SNX29: variants seen among roughly 807,000 people sequenced by gnomAD.
SNX29 encodes the protein sorting nexin 29, also known as sorting nexin-29.
In SNX29, 78 loss-of-function variants were observed where a neutral mutation model predicts 102.1. That is an observed-to-expected ratio of 0.76 (90% CI 0.64 to 0.92). The LOEUF (loss-of-function observed/expected upper bound fraction) is 0.92, where lower values mean the gene tolerates loss of function less well. SNX29 is among the 40% of genes least tolerant of loss of function. The pLI, the probability that SNX29 is intolerant of heterozygous loss-of-function variation, is 0.00. For synonymous variants in SNX29, 580 were observed against 414.5 expected, an observed-to-expected ratio of 1.40 and a Z score of -4.85; for missense variants, 1,280 against 1,061.7, an observed-to-expected ratio of 1.21 and a Z score of -2.86.
intron 20 of SNX29, among the ~76,000 whole-genome samples, chr16:12,552,014 A>G (rs1272881056): frequency 6.6e-6 from 1 of 152,170 alleles, no homozygotes; most frequent in African/African-American, 2.4e-5. Context: ...CCTGTCTCTA[A>G]AAAACGTGGC....
chr16:12,175,510 G>A (rs1306360316), intron 13 of SNX29, among the ~76,000 whole-genome samples: 2 of 152,036 alleles, frequency 1.3e-5, no homozygotes, highest in African/African-American at 4.8e-5. Flanking sequence ...AATTAGCCAG[G>A]GATGGTGGTA....
intron 15 of SNX29, among the ~76,000 whole-genome samples, chr16:12,350,075 A>G (rs1437485026): frequency 6.6e-6 from 1 of 152,142 alleles, no homozygotes; most frequent in Non-Finnish European, 1.5e-5. Context: ...CACCCACACC[A>G]GTTTGTGGGC....
intron 14 of SNX29, among the ~76,000 whole-genome samples, chr16:12,265,149 CT>C (rs1221068279): frequency 6.6e-6 from 1 of 152,192 alleles, no homozygotes; most frequent in Non-Finnish European, 1.5e-5. Flanking sequence ...GCCCAGAGTT[CT>C]TTCGAGCAAA....
intron 18 of SNX29, among the ~76,000 whole-genome samples, chr16:12,440,629 G>A (rs529010577): frequency 9.9e-5 from 15 of 152,146 alleles, no homozygotes; most frequent in African/African-American, 3.4e-4. Context: ...AGTGTGTGGT[G>A]TTTCCCTCTG....
At chr16:12,243,061 C>T (rs1192990001) in intron 14 of SNX29, among the ~76,000 whole-genome samples, 1 of 152,216 alleles carries the variant, frequency 6.6e-6, no homozygotes, top group Non-Finnish European at 1.5e-5. Context: ...GTCCGTCTTT[C>T]ACGTGTCCTG....
chr16:12,256,149 C>A (rs1351698955), intron 14 of SNX29, among the ~76,000 whole-genome samples: 1 of 152,200 alleles, frequency 6.6e-6, no homozygotes, highest in Non-Finnish European at 1.5e-5. Flanking sequence ...TGGTCATACA[C>A]CTGTTGGCCG....
chr16:12,505,900 G>A (rs977488573), intron 19 of SNX29, among the ~76,000 whole-genome samples: 17 of 151,728 alleles, frequency 1.1e-4, no homozygotes, highest in African/African-American at 4.1e-4. Context: ...TTCTATTTAG[G>A]CCTTCTTTAT....
chr16:12,192,516 A>T (rs897788301), intron 13 of SNX29, among the ~76,000 whole-genome samples: 1 of 151,180 alleles, frequency 6.6e-6, no homozygotes, highest in Non-Finnish European at 1.5e-5. Context: ...TTTTTAATTT[A>T]TTTTTTTGTT....
At chr16:12,393,748 A>G (rs566532914) in intron 16 of SNX29, among the ~76,000 whole-genome samples, 65 of 152,396 alleles carry the variant, frequency 4.3e-4, no homozygotes, top group African/African-American at 1.5e-3. Context: ...AGCTTACAAT[A>G]ATACTTGCTT....
At chr16:12,120,101 A>T (rs1221376713) in intron 11 of SNX29, among the ~76,000 whole-genome samples, 1 of 152,180 alleles carries the variant, frequency 6.6e-6, no homozygotes, top group African/African-American at 2.4e-5. Flanking sequence ...GGGCCTGAGT[A>T]ATTTAAAAGT....
chr16:12,197,701 G>A (rs972053666), intron 13 of SNX29, among the ~76,000 whole-genome samples: 2 of 152,218 alleles, frequency 1.3e-5, no homozygotes, highest in African/African-American at 2.4e-5. Flanking sequence ...TGGAGAAAGT[G>A]CAGACACCTG....
chr16:12,360,511 G>A (rs780727011), intron 16 of SNX29, among the ~76,000 whole-genome samples: 30 of 152,124 alleles, frequency 2.0e-4, no homozygotes, highest in Non-Finnish European at 3.7e-4. Flanking sequence ...TTGCCCCAAC[G>A]ATGTCACAGG....
chr16:12,193,130 C>G (rs1389513486), intron 13 of SNX29, among the ~76,000 whole-genome samples: 1 of 152,196 alleles, frequency 6.6e-6, no homozygotes, highest in African/African-American at 2.4e-5. Context: ...CCACTGCGCC[C>G]AAAACATTTA....
rs112573066 is a variant in SNX29, at chr16:12,350,710, C to T, written c.1783-5453C>T. ...GGAATGGCCCAACTGCCGTTCAAAG[C>T]TGAGTCTGTGAAATGCTCCTTTTGT... On this transcript the variant is annotated intron_variant, in intron 15 of 20. Coordinates refer to ENST00000566228, the MANE Select transcript of SNX29 (RefSeq NM_032167.5). 1.9e-3 allele frequency among the ~76,000 whole-genome samples: 297 copies of T among 152,312 alleles called. 2 individuals are homozygous for T. Among genetic ancestry groups the T allele is most frequent in the African/African-American group, 6.8e-3 (282 of 41,570 alleles).
At chr16:12,536,833 A>C (rs1353410420) in intron 20 of SNX29, among the ~76,000 whole-genome samples, 1 of 152,146 alleles carries the variant, frequency 6.6e-6, no homozygotes, top group African/African-American at 2.4e-5. Context: ...AAAATTAGCC[A>C]GGCATGGTGG....
At chr16:12,497,566 G>T (rs185359938) in intron 19 of SNX29, among the ~76,000 whole-genome samples, 6 of 152,320 alleles carry the variant, frequency 3.9e-5, no homozygotes, top group Admixed American at 6.5e-5. Context: ...GGCTGGAGTC[G>T]GGAGCTCAGT....
chr16:12,556,443 C>T (rs530017953), intron 20 of SNX29: 1 of 152,222 alleles, frequency 6.6e-6, no homozygotes, highest in South Asian at 2.1e-4. Context: ...TGAAGAAACT[C>T]CAAGGAACTC....
intron 20 of SNX29, among the ~76,000 whole-genome samples, chr16:12,543,179 A>G (rs180794715): frequency 2.3e-3 from 348 of 152,338 alleles, no homozygotes; most frequent in South Asian, 4.6e-3. Flanking sequence ...CTCCTGTAGA[A>G]GTCCTAGGAA....
intron 3 of SNX29, among the ~76,000 whole-genome samples, chr16:12,024,050 A>C (rs1256779407): frequency 6.6e-6 from 1 of 152,068 alleles, no homozygotes; most frequent in African/African-American, 2.4e-5. Context: ...ATTAACAGAG[A>C]GTGGCGAGCG....
Sources: allele counts gnomAD v4.1 joint callset (sites outside exome capture counted in the v4.1 genomes callset), GRCh38; gene constraint gnomAD v4.1.1; transcripts MANE v1.5; gene names NCBI Gene and HGNC (gene_info 2026-07-23, HGNC 2026-07-21).